Variants in SLC5A10 observed in about 807,000 individuals in gnomAD.
SLC5A10 encodes the protein solute carrier family 5 member 10.
SLC5A10 carries 55 observed loss-of-function variants against 68.9 expected under a neutral mutation model. The ratio of observed to expected loss-of-function variants is 0.80; its 90% CI spans 0.64 to 1.00. The LOEUF (loss-of-function observed/expected upper bound fraction) is 1.00. Ranked by LOEUF, SLC5A10 falls within the 50% of genes least tolerant of loss-of-function variation. SLC5A10 has a pLI of 0.00. For missense variants in SLC5A10, 732 were observed against 819.3 expected (o/e 0.89, Z 1.30); for synonymous variants, 344 against 344.8 (o/e 1.00, Z 0.02).
intron 5 of SLC5A10, among the ~76,000 whole-genome samples, 161 bp downstream of exon 5, chr17:18,960,813 G>A (rs1216999051): frequency 1.3e-5 from 2 of 152,208 alleles, no homozygotes; most frequent in Admixed American, 6.5e-5. Flanking sequence ...GTCACGCAGC[G>A]AGTCTGGACA....
At chr17:18,970,651 T>A (rs2042819362) in intron 7 of SLC5A10, 1 of 287,022 alleles carries the variant, frequency 3.5e-6, no homozygotes. Flanking sequence ...CAAGAAAAAT[T>A]ACTTTTGCTT....
Position 19,003,591 on chromosome 17 carries a change from T to C in SLC5A10, c.983-9819T>C, listed in dbSNP as rs770588479. The C allele has an allele frequency of 2.5e-6, 4 of 1,606,060 alleles. No homozygotes were observed. The highest frequency in any genetic ancestry group is 3.4e-6 in the Non-Finnish European group (4 of 1,176,112). On this transcript the variant is annotated intron_variant, in intron 9 of 14. Transcript: ENST00000395645. The surrounding 1 kb of genome is among the most constrained non-coding windows in gnomAD (Gnocchi z 4.5). Reference sequence around the variant, plus strand: ...GCCTGCCCGTCTATGGGGGGCTGCATGTAGACGCTAGCCCGGGTCACGCCG... The same window carrying C: ...GCCTGCCCGTCTATGGGGGGCTGCACGTAGACGCTAGCCCGGGTCACGCCG...
At chr17:19,001,592 A>G (rs976766303) in intron 9 of SLC5A10, among the ~76,000 whole-genome samples, 2 of 152,176 alleles carry the variant, frequency 1.3e-5, no homozygotes, top group African/African-American at 4.8e-5. Context: ...GACAGCAATC[A>G]CCTTGTGGGA....
chr17:18,971,468 G>C lies in SLC5A10; in HGVS notation c.846+250G>C, dbSNP rs746445194. ...TAGGTGCTTCGACTGAGACAGTTTGGAGTATGGGATTCCGAAGGGACTCGG... is the reference window on the plus strand; with the variant it reads ...TAGGTGCTTCGACTGAGACAGTTTGCAGTATGGGATTCCGAAGGGACTCGG... On this transcript the variant is annotated intron_variant, in intron 8 of 14. Coordinates refer to ENST00000395645, the MANE Select transcript of SLC5A10 (RefSeq NM_001042450.4). The surrounding 1 kb of genome is among the most constrained non-coding windows in gnomAD (Gnocchi z 5.5). The C allele has an allele frequency of 6.2e-7, 1 of 1,614,010 alleles. No homozygotes were observed. The highest frequency in any genetic ancestry group is 1.1e-5 in the South Asian group (1 of 91,080).
At chr17:18,972,864 G>A (rs1473015619) in intron 8 of SLC5A10, among the ~76,000 whole-genome samples, 18 of 108,160 alleles carry the variant, frequency 1.7e-4, no homozygotes, top group Admixed American at 1.4e-3. Flanking sequence ...GCGAGACTCC[G>A]TCTAAAAAAA....
In SLC5A10 at chr17:18,968,027, T is replaced by C. The variant is rs1041720952; in HGVS notation, c.454-1025T>C. Among the ~76,000 whole-genome samples, 2 of 152,100 alleles carry C rather than the reference T, an allele frequency of 1.3e-5. No homozygotes were observed. The highest frequency in any genetic ancestry group is 4.8e-5 in the African/African-American group (2 of 41,406). On this transcript the variant is annotated intron_variant, in intron 5 of 14. Transcript: ENST00000395645. This position sits in a 1 kb window ranked among gnomAD's most constrained non-coding sequence, Gnocchi z 4.1. ...TCTAAGACAGGTTGAGAGAGGCGCC[T>C]GGAGGGAGAGGTACAGGAAGCACAG...
chr17:18,982,555 TAA>T (rs1467543464), intron 9 of SLC5A10, among the ~76,000 whole-genome samples: 3 of 152,182 alleles, frequency 2.0e-5, no homozygotes, highest in Non-Finnish European at 4.4e-5. Flanking sequence ...TCCTCATAAG[TAA>T]GAGAGGACGT....
At chr17:18,954,795 G>A (rs1043788386) in intron 1 of SLC5A10, among the ~76,000 whole-genome samples, 5 of 152,192 alleles carry the variant, frequency 3.3e-5, no homozygotes, top group Non-Finnish European at 5.9e-5. Context: ...AATGTAGGCC[G>A]GGCGCAGTGG....
chr17:18,976,573 T>C, intron 8 of SLC5A10: 1 of 395,168 alleles, frequency 2.5e-6, no homozygotes, highest in Non-Finnish European at 4.5e-6. Context: ...TTGCCAGGGG[T>C]GGTGGGCTGG....
At chr17:18,962,523 C>T (rs908121901) in intron 5 of SLC5A10, among the ~76,000 whole-genome samples, 3 of 152,088 alleles carry the variant, frequency 2.0e-5, no homozygotes, top group African/African-American at 2.4e-5. Flanking sequence ...ACAACAGGCC[C>T]GTGTGCCACA....
In SLC5A10 at chr17:18,976,911, A is replaced by G. The variant is rs1197034428; in HGVS notation, c.904A>G (p.Ile302Val). 6.2e-7 allele frequency: 1 copy of G among 1,613,538 alleles called. No homozygotes were observed. Among genetic ancestry groups the G allele is most frequent in the Admixed American group, 1.7e-5 (1 of 59,992 alleles). Reference sequence around the variant, plus strand: ...CCTGAACCATGCCAAGGCGGGCTCCATCCTGGCCAGCTACCTCAAGATGCT... The same window carrying G: ...CCTGAACCATGCCAAGGCGGGCTCCGTCCTGGCCAGCTACCTCAAGATGCT... ...RDLNHAKAGS[I>V]LASYLKMLPM... Residue 302 changes from isoleucine to valine, a missense_variant, in exon 9 of 15, where the codon ATC becomes GTC. Transcript: ENST00000395645.
In SLC5A10 at chr17:19,003,698, G is replaced by T; in HGVS notation, c.983-9712G>T. On this transcript the variant is annotated intron_variant, in intron 9 of 14. Coordinates refer to ENST00000395645, the MANE Select transcript of SLC5A10 (RefSeq NM_001042450.4). This position sits in a 1 kb window ranked among gnomAD's most constrained non-coding sequence, Gnocchi z 4.5. Reference sequence around the variant, plus strand: ...CTTCTGGGGCCAGTACTCCAGGGAGGGCAGCGGCTCGGCCTCGATGGGGAC... The same window carrying T: ...CTTCTGGGGCCAGTACTCCAGGGAGTGCAGCGGCTCGGCCTCGATGGGGAC... 1 of 1,607,652 alleles carries T rather than the reference G, an allele frequency of 6.2e-7. No homozygotes were observed.
rs1567817765 is a variant in SLC5A10 at position 19,019,855 on chromosome 17, T to C, written c.1553T>C (p.Val518Ala). 1 of 1,613,526 alleles carries C rather than the reference T, an allele frequency of 6.2e-7. No individual in the cohort carries two copies. The highest frequency in any genetic ancestry group is 1.1e-5 in the South Asian group (1 of 91,020). ...AGCATCCACTACCTGCACTTCGCTG[T>C]CGCCCTCTTTGCACTCAGTGGTGCT... Reference protein sequence around the residue: ...LGSIHYLHFAVALFALSGAVV... With the variant: ...LGSIHYLHFAAALFALSGAVV... Residue 518 changes from valine to alanine, a missense_variant, in exon 13 of 15, where the codon GTC (valine) becomes GCC (alanine). Transcript: ENST00000395645.
chr17:18,961,020 T>G (rs2042603936), intron 5 of SLC5A10, among the ~76,000 whole-genome samples: 1 of 152,188 alleles, frequency 6.6e-6, no homozygotes, highest in Admixed American at 6.5e-5. Context: ...CCACGTGGTC[T>G]TAGCCACATC....
At chr17:18,994,071 C>T (rs1161358108) in intron 9 of SLC5A10, among the ~76,000 whole-genome samples, 1 of 152,200 alleles carries the variant, frequency 6.6e-6, no homozygotes, top group Non-Finnish European at 1.5e-5. Context: ...GTAAGTGACG[C>T]ATCAGGGCTG....
chr17:18,955,686 A>G (rs919468179), intron 1 of SLC5A10, among the ~76,000 whole-genome samples: 7 of 152,272 alleles, frequency 4.6e-5, no homozygotes, highest in Non-Finnish European at 8.8e-5. Context: ...GAGCCTTCAG[A>G]CTATGCTGCC....
Position 18,958,699 on chromosome 17 carries a change from T to C in SLC5A10, c.129T>C (p.Ser43=), listed in dbSNP as rs2151992553. Residue 43 remains serine, a synonymous_variant, in exon 2 of 15, where the codon AGT becomes AGC. Transcript: ENST00000395645. The part of the protein sequence containing the change: ...AVGIWSSCRA[S]RNTVNGYFLA... ...TCTTGCAGTCCTCTTGTCGGGCCAG[T>C]AGGAACACGGTGAATGGCTACTTCC... 2 of 1,614,114 alleles carry C rather than the reference T, an allele frequency of 1.2e-6. No homozygotes were observed. Among genetic ancestry groups the C allele is most frequent in the Middle Eastern group, 1.6e-4 (1 of 6,062 alleles).
At chr17:18,973,884 G>GC (rs755997694) in intron 8 of SLC5A10, among the ~76,000 whole-genome samples, 2 of 95,740 alleles carry the variant, frequency 2.1e-5, no homozygotes, top group Non-Finnish European at 4.0e-5. Context: ...TTTTTTTTAA[G>GC]TTTTTTTTTT....
chr17:18,977,656 C>T, intron 9 of SLC5A10: 1 of 1,610,332 alleles, frequency 6.2e-7, no homozygotes. Flanking sequence ...TTCCCCGACT[C>T]TGGGCCCATG....
Sources: allele counts gnomAD v4.1 joint callset (sites outside exome capture counted in the v4.1 genomes callset), GRCh38; gene constraint gnomAD v4.1.1; non-coding constraint Gnocchi (gnomAD v3.1); transcripts MANE v1.5; gene names NCBI Gene and HGNC (gene_info 2026-07-23, HGNC 2026-07-21).